Variants in ULK4 observed in about 807,000 individuals in gnomAD.
ULK4 encodes the protein unc-51 like kinase 4.
ULK4 carries 133 observed loss-of-function variants against 160.6 expected under a neutral mutation model. The ratio of observed to expected loss-of-function variants is 0.83; its 90% CI spans 0.72 to 0.96. ULK4 has a LOEUF of 0.96. ULK4 is among the 40% of genes least tolerant of loss of function. ULK4 has a pLI of 0.00. For missense variants in ULK4, 1,580 were observed against 1,499.5 expected, an observed-to-expected ratio of 1.05 and a Z score of -0.89; for synonymous variants, 534 against 539.8, an observed-to-expected ratio of 0.99 and a Z score of 0.15.
chr3:41,692,989 G>C (rs190536411), intron 27 of ULK4, among the ~76,000 whole-genome samples: 52 of 152,150 alleles, frequency 3.4e-4, no homozygotes, highest in South Asian at 6.2e-4. Flanking sequence ...GACAGCTCTG[G>C]GACATTTAAG....
In ULK4 at chr3:41,835,971, C is replaced by T. The variant is rs2041742204; in HGVS notation, c.1657G>A (p.Ala553Thr). 2.6e-6 allele frequency: 4 copies of T among 1,539,614 alleles called. No individual in the cohort carries two copies. Among genetic ancestry groups the T allele is most frequent in the Non-Finnish European group, 3.5e-6 (4 of 1,137,538 alleles). ...ATTAATTCAGTTAAGAGAACAATTG[C>T]CTGCAAAGACAAAAAAAAAAAAAGT... Reference protein sequence around the residue: ...ELQENTPVVEAIVLLTELIRE... With the variant: ...ELQENTPVVETIVLLTELIRE... Residue 553 changes from alanine (A) to threonine (T), a missense_variant and splice_region_variant, in exon 18 of 37, where the codon GCA becomes ACA. Physicochemically the swap from Ala to Thr is moderately conservative, Grantham distance 58. Coordinates refer to ENST00000301831, the MANE Select transcript of ULK4 (RefSeq NM_017886.4).
chr3:41,818,411 A>C (rs975208777), intron 19 of ULK4, among the ~76,000 whole-genome samples: 1 of 152,176 alleles, frequency 6.6e-6, no homozygotes, highest in Non-Finnish European at 1.5e-5. Context: ...TCTGTGTGTG[A>C]ATAGGAATTT....
intron 22 of ULK4, among the ~76,000 whole-genome samples, chr3:41,736,169 T>C (rs1245176284): frequency 3.3e-5 from 5 of 151,750 alleles, no homozygotes; most frequent in African/African-American, 1.2e-4. Context: ...CATGTGTCTT[T>C]ATAGCAGCAT....
intron 20 of ULK4, among the ~76,000 whole-genome samples, chr3:41,797,270 A>C (rs1237858689): frequency 6.6e-6 from 1 of 152,196 alleles, no homozygotes; most frequent in Non-Finnish European, 1.5e-5. Flanking sequence ...ACTGTATATG[A>C]GCTACAAAAC....
At chr3:41,263,199 C>CAGTG (rs752602685) in intron 35 of ULK4, among the ~76,000 whole-genome samples, 1 of 152,156 alleles carries the variant, frequency 6.6e-6, no homozygotes, top group Non-Finnish European at 1.5e-5. Context: ...AAGTGAGGAA[C>CAGTG]AGTGTATCTA....
chr3:41,844,967 CTTTT>C (rs201354327), intron 17 of ULK4, among the ~76,000 whole-genome samples: 364 of 143,562 alleles, frequency 2.5e-3, no homozygotes, highest in African/African-American at 8.6e-3. Context: ...ACCCAGATAT[CTTTT>C]TTTTTTTTTT....
At chr3:41,799,265 A>G (rs750202449) in intron 20 of ULK4, among the ~76,000 whole-genome samples, 3 of 152,198 alleles carry the variant, frequency 2.0e-5, no homozygotes, top group Non-Finnish European at 4.4e-5. Flanking sequence ...AGAGAGGGTT[A>G]TATTTGTTCA....
At chr3:41,767,585 T>C (rs1324749708) in intron 21 of ULK4, among the ~76,000 whole-genome samples, 1 of 152,128 alleles carries the variant, frequency 6.6e-6, no homozygotes, top group Non-Finnish European at 1.5e-5. Context: ...ATATGTATAT[T>C]CCATATGTAT....
At chr3:41,791,822 T>C (rs1380178941) in intron 20 of ULK4, among the ~76,000 whole-genome samples, 2 of 152,172 alleles carry the variant, frequency 1.3e-5, no homozygotes, top group Admixed American at 6.5e-5. Context: ...ACCAACTATA[T>C]ACCTCTCCCT....
chr3:41,434,359 T>A (rs1167447208), intron 34 of ULK4, among the ~76,000 whole-genome samples: 2 of 152,148 alleles, frequency 1.3e-5, no homozygotes, highest in Non-Finnish European at 2.9e-5. Flanking sequence ...TATTGAGAAA[T>A]GGGATAGAAA....
At chr3:41,505,135 G>T (rs1285766141) in intron 32 of ULK4, among the ~76,000 whole-genome samples, 1 of 152,048 alleles carries the variant, frequency 6.6e-6, no homozygotes, top group Admixed American at 6.6e-5. Context: ...CATTTTCAGA[G>T]AACTTGTTAT....
At chr3:41,904,945 C>G (rs1471976606) in intron 12 of ULK4, among the ~76,000 whole-genome samples, 1 of 152,188 alleles carries the variant, frequency 6.6e-6, no homozygotes, top group Non-Finnish European at 1.5e-5. Context: ...ACATTCAATG[C>G]AACTGTGATT....
intron 30 of ULK4, among the ~76,000 whole-genome samples, chr3:41,642,056 T>C (rs2034229058): frequency 6.6e-6 from 1 of 151,812 alleles, no homozygotes; most frequent in East Asian, 1.9e-4. Flanking sequence ...TGTATTTCAG[T>C]AGAGACGAGG....
At chr3:41,533,962 C>A (rs185794647) in intron 32 of ULK4, among the ~76,000 whole-genome samples, 4,419 of 152,196 alleles carry the variant, frequency 0.029, 151 homozygotes, top group African/African-American at 0.08. Flanking sequence ...CGCCCGCCAC[C>A]ACGCCCGGCT....
At chr3:41,725,351 T>C (rs2037614844) in intron 22 of ULK4, among the ~76,000 whole-genome samples, 1 of 152,204 alleles carries the variant, frequency 6.6e-6, no homozygotes, top group Non-Finnish European at 1.5e-5. Context: ...TTATCTATTA[T>C]CGTTTATTAT....
intron 21 of ULK4, among the ~76,000 whole-genome samples, chr3:41,782,272 A>C (rs983751911): frequency 6.6e-6 from 1 of 152,060 alleles, no homozygotes; most frequent in African/African-American, 2.4e-5. Context: ...AGAAACAGAA[A>C]TATTTTCCAG....
chr3:41,424,360 G>C (rs180860375), intron 34 of ULK4, among the ~76,000 whole-genome samples: 2 of 151,088 alleles, frequency 1.3e-5, no homozygotes, highest in African/African-American at 4.9e-5. Flanking sequence ...TGAGGAATCC[G>C]GGCAGTCTGG....
intron 35 of ULK4, among the ~76,000 whole-genome samples, chr3:41,343,295 CTTTTTT>C (rs55691966): frequency 8.2e-5 from 7 of 85,378 alleles, no homozygotes; most frequent in African/African-American, 1.8e-4. Flanking sequence ...AGCCCAAAAA[CTTTTTT>C]TTTTTTTTTT....
chr3:41,258,179 A>C (rs1028980344), intron 35 of ULK4, among the ~76,000 whole-genome samples: 11 of 152,136 alleles, frequency 7.2e-5, no homozygotes, highest in African/African-American at 2.4e-4. Flanking sequence ...GTGGCCTTTA[A>C]CCTTCTATTT....
Sources: gnomAD v4.1 joint callset for allele counts (sites outside exome capture counted in the v4.1 genomes callset) on GRCh38, gnomAD v4.1.1 for gene constraint, MANE v1.5 for transcripts, NCBI Gene and HGNC (gene_info 2026-07-23, HGNC 2026-07-21) for gene names.